Variants in WDR37 observed in about 807,000 individuals in gnomAD.
The protein encoded by WDR37 is WD repeat domain 37, also known as WD repeat-containing protein 37.
WDR37 carries 19 observed loss-of-function variants against 62.9 expected under a neutral mutation model. The ratio of observed to expected loss-of-function variants is 0.30; its 90% CI spans 0.21 to 0.44. WDR37 has a LOEUF of 0.44. Ranked by LOEUF, WDR37 falls within the 20% of genes least tolerant of loss-of-function variation. WDR37 has a pLI of 1.00. For synonymous variants in WDR37, 250 were observed against 260.9 expected (o/e 0.96, Z 0.40); for missense variants, 474 against 657.6 (o/e 0.72, Z 3.05).
At position 1,064,583 on chromosome 10, in the gene WDR37, C is replaced by CTTTTTTTTTTT. The variant is rs71376884; in HGVS notation, c.-40-7513_-40-7503dup. Among the ~76,000 whole-genome samples the CTTTTTTTTTTT allele has an allele frequency of 3.8e-4, 27 of 70,482 alleles. 2 individuals are homozygous for CTTTTTTTTTTT. Among genetic ancestry groups the CTTTTTTTTTTT allele is most frequent in the African/African-American group, 1.3e-3 (22 of 16,560 alleles). 46.2% of individuals were successfully genotyped at this position (70,482 alleles called of 152,430 possible). On this transcript the variant is annotated intron_variant, in intron 1 of 13. Coordinates refer to ENST00000263150, the MANE Select transcript of WDR37 (RefSeq NM_014023.4). ...GGAAACAATTTGAGTGACAATGGAT[C>CTTTTTTTTTTT]TTTTTTTTTTTTTTTTTTTTTTTTT...
chr10:1,065,902 T>G (rs1197299744), intron 1 of WDR37, among the ~76,000 whole-genome samples: 1 of 152,178 alleles, frequency 6.6e-6, no homozygotes. Flanking sequence ...CCTTTTTTTT[T>G]TTAGATGACT....
intron 13 of WDR37, among the ~76,000 whole-genome samples, chr10:1,126,291 A>G (rs970582641): frequency 6.6e-5 from 10 of 151,506 alleles, no homozygotes; most frequent in Non-Finnish European, 1.0e-4. Context: ...CTGTAGTCCC[A>G]GCTACTCGGG....
intron 3 of WDR37, 152 bp downstream of exon 3, chr10:1,078,155 T>G (rs1336872922): frequency 1.9e-6 from 1 of 526,286 alleles, no homozygotes; most frequent in African/African-American, 2.0e-5. Flanking sequence ...TTTGTCATCT[T>G]GCAGTTCTGT....
chr10:1,086,485 G>T (rs1040244758), intron 7 of WDR37, 128 bp downstream of exon 7: 1 of 692,146 alleles, frequency 1.4e-6, no homozygotes, highest in Non-Finnish European at 2.5e-6. Context: ...TCAGGGGACA[G>T]TGTGGTCTGT....
At chr10:1,119,252 AGAGCTGAGTGCT>A (rs1835499365) in intron 11 of WDR37, among the ~76,000 whole-genome samples, 1 of 152,230 alleles carries the variant, frequency 6.6e-6, no homozygotes, top group South Asian at 2.1e-4. Flanking sequence ...AAGAGAACAC[AGAGCTGAGTGCT>A]GTTACTGAGT....
chr10:1,114,236 C>T (rs1461350760), intron 11 of WDR37, among the ~76,000 whole-genome samples: 2 of 152,146 alleles, frequency 1.3e-5, no homozygotes, highest in Admixed American at 6.5e-5. Context: ...GGATTACAGG[C>T]GTGAGCCACC....
Position 1,096,209 on chromosome 10 carries a change from T to C in WDR37, c.689T>C (p.Val230Ala). The change falls in exon 9 of 14, where the codon GTG becomes GCG. Residue 230 changes from valine to alanine, a missense_variant. Transcript: ENST00000263150. The part of the protein sequence containing the change: ...DQTAHIWRYA[V>A]QLPTPQPVAD... The stretch of plus-strand genomic sequence containing the variant: ...ACTGCTCATATCTGGAGATACGCGG[T>C]GCAGCTGCCGACACCCCAGCCTGTT... 6.2e-7 allele frequency: 1 copy of C among 1,614,164 alleles called. No homozygotes were observed. Among genetic ancestry groups the C allele is most frequent in the Non-Finnish European group, 8.5e-7 (1 of 1,180,026 alleles).
intron 7 of WDR37, among the ~76,000 whole-genome samples, chr10:1,090,232 CA>C (rs1834341779): frequency 6.6e-6 from 1 of 151,470 alleles, no homozygotes; most frequent in Non-Finnish European, 1.5e-5. Context: ...GATCTCGGCT[CA>C]CTGCAACTTC....
chr10:1,119,573 G>A (rs952353764), intron 11 of WDR37, among the ~76,000 whole-genome samples: 1 of 152,230 alleles, frequency 6.6e-6, no homozygotes, highest in Non-Finnish European at 1.5e-5. Context: ...AAACACAGAT[G>A]TTGCAGAGGC....
intron 8 of WDR37, among the ~76,000 whole-genome samples, chr10:1,094,418 T>G (rs1185475177): frequency 6.6e-6 from 1 of 152,214 alleles, no homozygotes; most frequent in African/African-American, 2.4e-5. Context: ...CAACAGGTAC[T>G]TCCAGTGTGT....
At chr10:1,097,524 A>G (rs1834629592) in intron 9 of WDR37, among the ~76,000 whole-genome samples, 1 of 152,254 alleles carries the variant, frequency 6.6e-6, no homozygotes, top group Non-Finnish European at 1.5e-5. Flanking sequence ...GCAGGGCTGC[A>G]GCTCTCACTG....
At chr10:1,078,518 T>C (rs1384781563) in intron 3 of WDR37, among the ~76,000 whole-genome samples, 1 of 152,216 alleles carries the variant, frequency 6.6e-6, no homozygotes, top group Non-Finnish European at 1.5e-5. Flanking sequence ...ATTTTCTGCA[T>C]GTTTTTGCTT....
intron 11 of WDR37, among the ~76,000 whole-genome samples, chr10:1,115,704 G>A (rs1439301110): frequency 1.3e-5 from 2 of 152,182 alleles, no homozygotes; most frequent in African/African-American, 2.4e-5. Flanking sequence ...TGGAAAGGAC[G>A]CATGTGGTCT....
chr10:1,084,495 C>A lies in WDR37; in HGVS notation c.489C>A (p.Ser163Arg), dbSNP rs369200032. 1.2e-6 allele frequency: 2 copies of A among 1,614,188 alleles called. No homozygotes were observed. The highest frequency in any genetic ancestry group is 1.7e-6 in the Non-Finnish European group (2 of 1,180,028). ...IGHRDGIWDVSVAKTQPVVLG... is the reference protein window; with the variant it reads ...IGHRDGIWDVRVAKTQPVVLG... ...ACCGGGACGGCATCTGGGATGTCAG[C>A]GTGGCCAAGACACAGCCAGTGGTGC... Residue 163 changes from serine (S) to arginine (R), a missense_variant, in exon 6 of 14, where the codon AGC becomes AGA. By Grantham distance (110) the Ser-to-Arg change is moderately radical (BLOSUM62 -1). Coordinates refer to ENST00000263150, the MANE Select transcript of WDR37 (RefSeq NM_014023.4).
chr10:1,126,108 A>G (rs1835736853), intron 13 of WDR37, among the ~76,000 whole-genome samples: 2 of 152,004 alleles, frequency 1.3e-5, no homozygotes, highest in Admixed American at 6.5e-5. Flanking sequence ...ATGCACAGAA[A>G]CTCCCCGGGG....
At chr10:1,067,857 GCA>G (rs142959146) in intron 1 of WDR37, among the ~76,000 whole-genome samples, 23 of 151,316 alleles carry the variant, frequency 1.5e-4, no homozygotes, top group Non-Finnish European at 2.7e-4. Flanking sequence ...AATGTGGTGC[GCA>G]CACACACACA....
At chr10:1,104,217 C>T (rs376916392) in intron 10 of WDR37, among the ~76,000 whole-genome samples, 9 of 152,318 alleles carry the variant, frequency 5.9e-5, no homozygotes, top group African/African-American at 2.2e-4. Flanking sequence ...CCTCAAAGAC[C>T]TAAGTGAGGG....
In WDR37 at chr10:1,056,431, C is replaced by CA. The variant is rs1422585988; in HGVS notation, c.-578_-577insA. On this transcript the variant is annotated 5_prime_UTR_variant, in exon 1 of 14. Transcript: ENST00000263150. ...GACCGCGCCGTCCCCGCCAGGCTCC[C>CA]GCGCGGCCGGCACCGCGGCCCTGAG... 2 of 152,174 alleles carry CA rather than the reference C, an allele frequency of 1.3e-5. No individual in the cohort carries two copies. Among genetic ancestry groups the CA allele is most frequent in the Non-Finnish European group, 2.9e-5 (2 of 68,056 alleles). The allele number at this position is 152,174 out of a possible 1,614,324, so 9.4% of individuals were successfully genotyped here.
chr10:1,102,412 C>G (rs1330010692), intron 9 of WDR37, among the ~76,000 whole-genome samples: 2 of 152,196 alleles, frequency 1.3e-5, no homozygotes, highest in Non-Finnish European at 2.9e-5. Flanking sequence ...ATACTTGAGA[C>G]AGGGTAATTT....
Sources: allele counts gnomAD v4.1 joint callset (sites outside exome capture counted in the v4.1 genomes callset), GRCh38; gene constraint gnomAD v4.1.1; transcripts MANE v1.5; gene names NCBI Gene and HGNC (gene_info 2026-07-23, HGNC 2026-07-21).